The following ATP10B variants were observed in gnomAD, a reference collection of about 807,000 sequenced individuals.
ATP10B encodes the protein ATPase phospholipid transporting 10B (putative), also known as phospholipid-transporting ATPase VB.
Under a neutral mutation model 141.2 loss-of-function variants are expected in ATP10B, and 122 were observed. That is an observed-to-expected ratio of 0.86 (90% CI 0.75 to 1.00). ATP10B has a LOEUF of 1.00. ATP10B is among the 50% of genes least tolerant of loss of function. The probability of loss-of-function intolerance (pLI) is 0.00; values close to 1 mark genes in which losing one functional copy is unlikely to be tolerated. For synonymous variants in ATP10B, 685 were observed against 692.0 expected, an observed-to-expected ratio of 0.99 and a Z score of 0.16; for missense variants, 1,876 against 1,825.3, an observed-to-expected ratio of 1.03 and a Z score of -0.51.
intron 6 of ATP10B, among the ~76,000 whole-genome samples, chr5:160,683,113 G>A (rs1046377827): frequency 1.3e-5 from 2 of 149,490 alleles, no homozygotes; most frequent in South Asian, 4.2e-4. Flanking sequence ...CTCAAACACC[G>A]CTTTTTCAAA....
chr5:160,804,802 A>C (rs1772660023), intron 1 of ATP10B, among the ~76,000 whole-genome samples: 1 of 152,222 alleles, frequency 6.6e-6, no homozygotes, highest in South Asian at 2.1e-4. Flanking sequence ...AAATAGAAAT[A>C]AAAAACAGTA....
chr5:160,902,232 T>TAA, the ATP10B span, among the ~76,000 whole-genome samples: 1 of 152,202 alleles, frequency 6.6e-6, no homozygotes, highest in East Asian at 1.9e-4. Context: ...TGAGACCTTG[T>TAA]AAAAAGAAAA....
At chr5:160,715,688 C>CTTTATTGA (rs1765589099) in intron 3 of ATP10B, among the ~76,000 whole-genome samples, 1 of 141,664 alleles carries the variant, frequency 7.1e-6, no homozygotes, top group Non-Finnish European at 1.5e-5. Context: ...ATTTAGCTTG[C>CTTTATTGA]TTTATTTATT....
chr5:160,686,045 T>C, intron 6 of ATP10B, 34 bp downstream of exon 6: 1 of 1,486,416 alleles, frequency 6.7e-7, no homozygotes, highest in Non-Finnish European at 9.0e-7. Context: ...CCTAACCCAT[T>C]TGCAAGAGAG....
At chr5:160,909,036 T>C in the ATP10B span, among the ~76,000 whole-genome samples, 3 of 152,074 alleles carry the variant, frequency 2.0e-5, no homozygotes, top group Non-Finnish European at 2.9e-5. Context: ...CTCTGGGGAA[T>C]GAATGGTGGA....
At chr5:160,692,139 TAA>T (rs2127751603) in intron 3 of ATP10B, among the ~76,000 whole-genome samples, 1 of 152,322 alleles carries the variant, frequency 6.6e-6, no homozygotes, top group Admixed American at 6.5e-5. Flanking sequence ...GGAGTAGGAT[TAA>T]AAGTCCATTT....
At chr5:160,863,082 G>C in the ATP10B span, among the ~76,000 whole-genome samples, 2 of 151,916 alleles carry the variant, frequency 1.3e-5, no homozygotes, top group Admixed American at 6.6e-5. Flanking sequence ...AATTCTACTG[G>C]TGCTTATTTG....
At chr5:160,898,386 A>G in the ATP10B span, among the ~76,000 whole-genome samples, 1 of 152,214 alleles carries the variant, frequency 6.6e-6, no homozygotes, top group South Asian at 2.1e-4. Flanking sequence ...CAACAAACAT[A>G]TGAAAAAAAG....
chr5:160,671,969 CTT>C (rs70990741), intron 6 of ATP10B, among the ~76,000 whole-genome samples: 60 of 68,404 alleles, frequency 8.8e-4, no homozygotes, highest in African/African-American at 3.0e-3. Context: ...GCAATGCATC[CTT>C]TTTTTTTTTT....
Position 160,629,841 on chromosome 5 carries a change from T to C in ATP10B, c.1620+2288A>G, listed in dbSNP as rs1342697507. Among the ~76,000 whole-genome samples the C allele has an allele frequency of 3.9e-5, 6 of 152,214 alleles. No homozygotes were observed. In the South Asian group the frequency reaches 1.2e-3, roughly 31 times the overall value. The stretch of plus-strand genomic sequence containing the variant: ...AACCTGACACATTAGACTCCACGTG[T>C]GCCTAATTCATAGCTGGAAGTTAGC... On this transcript the variant is annotated intron_variant, in intron 13 of 25. Transcript: ENST00000327245.
chr5:160,592,874 C>T (rs958837804), intron 22 of ATP10B, among the ~76,000 whole-genome samples: 4 of 152,370 alleles, frequency 2.6e-5, no homozygotes, highest in South Asian at 2.1e-4. Flanking sequence ...GGGCGCCTGC[C>T]ATTGCCCATG....
chr5:160,671,726 C>T (rs2127726981), intron 6 of ATP10B, among the ~76,000 whole-genome samples: 1 of 152,310 alleles, frequency 6.6e-6, no homozygotes, highest in South Asian at 2.1e-4. Context: ...TGTTCATTAA[C>T]ATTTCATTTA....
chr5:160,823,718 C>T (rs1236320210), intron 1 of ATP10B, among the ~76,000 whole-genome samples: 1 of 152,072 alleles, frequency 6.6e-6, no homozygotes, highest in East Asian at 1.9e-4. Context: ...CCTGTAGTCC[C>T]AGCTACTTGG....
chr5:160,796,139 T>A (rs906692824), intron 1 of ATP10B, among the ~76,000 whole-genome samples: 1 of 152,200 alleles, frequency 6.6e-6, no homozygotes. Context: ...GACACCCTTA[T>A]GTATATCATA....
chr5:160,820,100 T>G (rs1773985118), intron 1 of ATP10B, among the ~76,000 whole-genome samples: 1 of 151,738 alleles, frequency 6.6e-6, no homozygotes, highest in Non-Finnish European at 1.5e-5. Flanking sequence ...GTTGATTTTT[T>G]TTGTAAAAAT....
intron 3 of ATP10B, among the ~76,000 whole-genome samples, chr5:160,694,619 T>C (rs1764261902): frequency 2.0e-5 from 3 of 152,214 alleles, no homozygotes. Context: ...TCCAATTGAC[T>C]CCAGTTCCTT....
chr5:160,657,362 G>A (rs1761582841), intron 7 of ATP10B, among the ~76,000 whole-genome samples: 1 of 152,104 alleles, frequency 6.6e-6, no homozygotes, highest in South Asian at 2.1e-4. Context: ...TTCCTGGTAG[G>A]TGAAGGTTCT....
chr5:160,862,011 GT>G, the ATP10B span, among the ~76,000 whole-genome samples: 4 of 152,050 alleles, frequency 2.6e-5, no homozygotes, highest in South Asian at 8.3e-4. Flanking sequence ...TGCATTCAGT[GT>G]TTTGTGCTGT....
At chr5:160,736,535 A>AGGAG in intron 2 of ATP10B, among the ~76,000 whole-genome samples, 1 of 152,308 alleles carries the variant, frequency 6.6e-6, no homozygotes, top group South Asian at 2.1e-4. Context: ...AGGCCAAGGC[A>AGGAG]GGAGGATCAT....
Sources: gnomAD v4.1 joint callset for allele counts (sites outside exome capture counted in the v4.1 genomes callset) on GRCh38, gnomAD v4.1.1 for gene constraint, MANE v1.5 for transcripts, NCBI Gene and HGNC (gene_info 2026-07-23, HGNC 2026-07-21) for gene names.